Variants in GRIA3 observed in about 807,000 individuals in gnomAD.
GRIA3 encodes the protein glutamate receptor 3.
A neutral mutation model predicts 63.0 loss-of-function variants in GRIA3; 3 were observed. The ratio of observed to expected loss-of-function variants is 0.05; its 90% CI spans 0.02 to 0.12. The LOEUF (loss-of-function observed/expected upper bound fraction) is 0.12. GRIA3 is among the 10% of genes least tolerant of loss of function. GRIA3 has a pLI of 1.00. For synonymous variants in GRIA3, 274 were observed against 257.9 expected, an observed-to-expected ratio of 1.06 and a Z score of -0.60; for missense variants, 347 against 700.9, an observed-to-expected ratio of 0.50 and a Z score of 5.70.
intron 6 of GRIA3, among the ~76,000 whole-genome samples, chrX:123,396,330 G>A (rs987785161): frequency 2.5e-4 from 28 of 110,141 alleles, no homozygotes; most frequent in African/African-American, 8.9e-4. Flanking sequence ...AATGGGTTAC[G>A]TCAGAACATA....
Position 123,489,148 on chromosome X carries a change from C to T in GRIA3, c.*438C>T, listed in dbSNP as rs2045956578. The T allele has an allele frequency of 9.1e-6, 1 of 109,380 alleles. No individual in the cohort carries two copies. The allele number at this position is 109,380 out of a possible 1,213,427, so 9.0% of individuals were successfully genotyped here. ...ATTCCAATTCAGCAAAGAGGCCCAT[C>T]TAAGCTAAAAAAATTAATTCTTCCT... On this transcript the variant is annotated 3_prime_UTR_variant, in exon 16 of 16. Coordinates refer to ENST00000620443, the MANE Select transcript of GRIA3 (RefSeq NM_007325.5).
chrX:123,275,429 A>G (rs56738956), intron 3 of GRIA3, among the ~76,000 whole-genome samples: 1,138 of 112,255 alleles, frequency 0.01, 4 homozygotes, highest in Middle Eastern at 0.014. Context: ...CCACTTCTCT[A>G]ATCTGTTCTT....
At chrX:123,225,910 T>C (rs2044244076) in intron 2 of GRIA3, among the ~76,000 whole-genome samples, 1 of 111,505 alleles carries the variant, frequency 9.0e-6, no homozygotes, top group Admixed American at 9.5e-5. Flanking sequence ...CTTAATCTCT[T>C]GACCTCTATT....
chrX:123,462,085 C>G (rs1254513708), intron 12 of GRIA3, among the ~76,000 whole-genome samples: 1 of 111,443 alleles, frequency 9.0e-6, no homozygotes, highest in Non-Finnish European at 1.9e-5. Context: ...CATCTGGAAT[C>G]CAGCCTTTTC....
At chrX:123,303,961 T>C (rs1357939645) in intron 3 of GRIA3, among the ~76,000 whole-genome samples, 1 of 110,675 alleles carries the variant, frequency 9.0e-6, no homozygotes, top group Non-Finnish European at 1.9e-5. Flanking sequence ...AAGGAGCGGG[T>C]GATATCAGGG....
intron 3 of GRIA3, among the ~76,000 whole-genome samples, chrX:123,306,692 C>A: frequency 9.0e-6 from 1 of 111,724 alleles, no homozygotes. Flanking sequence ...GAAATGATCA[C>A]AACAGCAGTA....
Position 123,351,567 on chromosome X carries a change from T to C in GRIA3, c.697-3343T>C, listed in dbSNP as rs192388854. ...CCATAGCCTGATGACTTAGGGAACATCCATGATTATACTGTGCACTAGTAT... is the reference window on the plus strand; with the variant it reads ...CCATAGCCTGATGACTTAGGGAACACCCATGATTATACTGTGCACTAGTAT... On this transcript the variant is annotated intron_variant, in intron 4 of 15. Transcript: ENST00000620443. Among the ~76,000 whole-genome samples the C allele has an allele frequency of 4.5e-5, 5 of 111,910 alleles. No individual in the cohort carries two copies. In the East Asian group the frequency reaches 1.4e-3, roughly 31 times the overall value.
chrX:123,392,949 G>A (rs868417448), intron 5 of GRIA3, among the ~76,000 whole-genome samples: 40 of 112,128 alleles, frequency 3.6e-4, no homozygotes, highest in African/African-American at 1.3e-3. Flanking sequence ...GCCTCTGCTA[G>A]ACTTTCTACA....
chrX:123,460,360 G>A (rs551993583), intron 12 of GRIA3, among the ~76,000 whole-genome samples: 33 of 111,098 alleles, frequency 3.0e-4, no homozygotes, highest in Middle Eastern at 4.6e-3. Flanking sequence ...GGTCTGGTTG[G>A]GCCAAGATGA....
Position 123,404,809 on chromosome X carries a change from T to C in GRIA3, c.1395T>C (p.His465=), listed in dbSNP as rs1272996077. 12 of 1,203,129 alleles carry C rather than the reference T, an allele frequency of 1.0e-5. No individual in the cohort carries two copies. The highest frequency in any genetic ancestry group is 2.2e-5 in the Admixed American group (1 of 45,956). The part of the protein sequence containing the change: ...CVDLAYEIAK[H]VRIKYKLSIV... Reference sequence around the variant, plus strand: ...ACCTAGCCTATGAAATAGCCAAACATGTAAGGATCAAATACAAATTGTCCA... The same window carrying C: ...ACCTAGCCTATGAAATAGCCAAACACGTAAGGATCAAATACAAATTGTCCA... Residue 465 remains histidine, a synonymous_variant, in exon 10 of 16, where the codon CAT becomes CAC. Coordinates refer to ENST00000620443, the MANE Select transcript of GRIA3 (RefSeq NM_007325.5).
intron 3 of GRIA3, among the ~76,000 whole-genome samples, chrX:123,271,908 G>A (rs1394121197): frequency 4.5e-5 from 5 of 111,742 alleles, no homozygotes; most frequent in Admixed American, 9.5e-5. Flanking sequence ...TCTCCTATTA[G>A]CAAAGAAAGG....
intron 2 of GRIA3, 115 bp from the exon 3 acceptor site, chrX:123,253,188 T>C: frequency 1.2e-6 from 1 of 868,402 alleles, no homozygotes; most frequent in South Asian, 2.1e-5. Context: ...TTCAGGGGCT[T>C]CTTTCTTCTG....
chrX:123,380,545 G>C (rs1423590528), intron 5 of GRIA3, among the ~76,000 whole-genome samples: 3 of 111,497 alleles, frequency 2.7e-5, no homozygotes, highest in Non-Finnish European at 3.8e-5. Context: ...CTGGATATTA[G>C]CCCTTTGTCA....
chrX:123,189,769 A>G (rs989782415), intron 2 of GRIA3, among the ~76,000 whole-genome samples: 6 of 112,444 alleles, frequency 5.3e-5, no homozygotes, highest in Non-Finnish European at 9.4e-5. Context: ...GATTGAGAAT[A>G]GGACTTAGGA....
intron 13 of GRIA3, among the ~76,000 whole-genome samples, chrX:123,475,370 A>G (rs967833835): frequency 1.6e-4 from 18 of 112,365 alleles, no homozygotes; most frequent in African/African-American, 5.5e-4. Flanking sequence ...AAGATGTGAA[A>G]TTCTCACAGT....
At chrX:123,431,684 T>C (rs1196606748) in intron 12 of GRIA3, among the ~76,000 whole-genome samples, 1 of 112,305 alleles carries the variant, frequency 8.9e-6, no homozygotes, top group African/African-American at 3.2e-5. Flanking sequence ...TACAGATTCA[T>C]GTTAAAAGGT....
In GRIA3 at chrX:123,319,353, G is replaced by A. The variant is rs145486207; in HGVS notation, c.509-6673G>A. ...CACAATGACAAAGTCACCTAACAAC[G>A]CATTTCTCAGAACGTATCCCCATCA... On this transcript the variant is annotated intron_variant, in intron 3 of 15. Coordinates refer to ENST00000620443, the MANE Select transcript of GRIA3 (RefSeq NM_007325.5). 9.8e-5 allele frequency among the ~76,000 whole-genome samples: 11 copies of A among 112,093 alleles called. No homozygotes were observed. In the East Asian group the frequency reaches 2.5e-3, roughly 26 times the overall value.
At chrX:123,380,387 A>T (rs1453894784) in intron 5 of GRIA3, among the ~76,000 whole-genome samples, 9 of 109,695 alleles carry the variant, frequency 8.2e-5, no homozygotes, top group Non-Finnish European at 1.7e-4. Context: ...CATTTCTCTG[A>T]TGGCCAGTGA....
chrX:123,224,004 C>T (rs1485480179), intron 2 of GRIA3, among the ~76,000 whole-genome samples: 1 of 111,490 alleles, frequency 9.0e-6, no homozygotes, highest in Non-Finnish European at 1.9e-5. Context: ...CCATATTCAC[C>T]ACTCTGCTGC....
Sources: allele counts gnomAD v4.1 joint callset (sites outside exome capture counted in the v4.1 genomes callset), GRCh38; gene constraint gnomAD v4.1.1; transcripts MANE v1.5; gene names NCBI Gene and HGNC (gene_info 2026-07-23, HGNC 2026-07-21).